The following TLE1 variants were observed in gnomAD, a reference collection of about 807,000 sequenced individuals.
TLE1 encodes transducin-like enhancer protein 1.
TLE1 carries 21 observed loss-of-function variants against 89.8 expected under a neutral mutation model. That is an observed-to-expected ratio of 0.23 (90% CI 0.17 to 0.34). The LOEUF is 0.34. Ranked by LOEUF, TLE1 falls within the 10% of genes least tolerant of loss-of-function variation. TLE1 has a pLI of 1.00. For synonymous variants in TLE1, 447 were observed against 407.6 expected (o/e 1.10, Z -1.16); for missense variants, 795 against 1,031.2 (o/e 0.77, Z 3.14).
Position 81,687,384 on chromosome 9 carries a change from G to C in TLE1, c.75C>G (p.Ser25=). 2 of 1,611,212 alleles carry C rather than the reference G, an allele frequency of 1.2e-6. No homozygotes were observed. The highest frequency in any genetic ancestry group is 1.7e-6 in the Non-Finnish European group (2 of 1,179,504). The change falls in exon 2 of 20, where the codon TCC becomes TCG. Residue 25 remains serine, a synonymous_variant. Transcript: ENST00000376499. ...GGAATTCCTCTTTAATCCGGTCCAG[G>C]GACTCCGGGATAGTGAACTTGAAGG... The part of the protein sequence containing the change: ...GQPFKFTIPE[S]LDRIKEEFQF...
intron 9 of TLE1, among the ~76,000 whole-genome samples, chr9:81,620,135 G>A (rs906365310): frequency 1.4e-4 from 20 of 144,054 alleles, no homozygotes; most frequent in Non-Finnish European, 2.5e-4. Flanking sequence ...CAAGGGAGGC[G>A]GGGGGCCCGG....
chr9:81,609,388 G>A (rs1823416787), intron 14 of TLE1, among the ~76,000 whole-genome samples: 2 of 152,180 alleles, frequency 1.3e-5, no homozygotes, highest in Non-Finnish European at 2.9e-5. Flanking sequence ...CCTGGCCTCT[G>A]CTATTTTCTA....
intron 6 of TLE1, among the ~76,000 whole-genome samples, chr9:81,641,801 T>C (rs913094645): frequency 6.6e-6 from 1 of 152,198 alleles, no homozygotes; most frequent in Admixed American, 6.5e-5. Context: ...GGTGGACGGA[T>C]CACCTGAGTT....
rs764412759 is a variant in TLE1 at position 81,590,900 on chromosome 9, G to A, written c.1734C>T (p.Tyr578=). 2.2e-5 allele frequency: 36 copies of A among 1,614,154 alleles called. No homozygotes were observed. Among genetic ancestry groups the A allele is most frequent in the South Asian group, 1.1e-4 (10 of 91,092 alleles). ...AELTSSAPAC[Y]ALAISPDSKV... ...TGGAATCGGGGCTGATGGCCAGGGC[G>A]TAGCAGGCGGGGGCCGAGGACGTCA... The change falls in exon 16 of 20, where the codon TAC becomes TAT. Residue 578 remains tyrosine (Y), a synonymous_variant. Transcript: ENST00000376499.
chr9:81,659,407 T>A (rs1371473973), intron 4 of TLE1, among the ~76,000 whole-genome samples: 1 of 152,190 alleles, frequency 6.6e-6, no homozygotes, highest in Non-Finnish European at 1.5e-5. Context: ...CACTAAGTCA[T>A]AATGCTTATA....
chr9:81,646,395 C>T (rs1436457224), intron 6 of TLE1, among the ~76,000 whole-genome samples: 4 of 152,044 alleles, frequency 2.6e-5, no homozygotes, highest in South Asian at 2.1e-4. Flanking sequence ...GTAGAGAGTA[C>T]GTCACTAAAT....
intron 8 of TLE1, among the ~76,000 whole-genome samples, chr9:81,628,571 C>T (rs1826189227): frequency 6.6e-6 from 1 of 152,078 alleles, no homozygotes. Context: ...TTGGTCCTGC[C>T]TCTGACAAAA....
chr9:81,597,252 ACAGTATTGT>A (rs1457096730), intron 14 of TLE1, among the ~76,000 whole-genome samples: 1 of 152,056 alleles, frequency 6.6e-6, no homozygotes, highest in Non-Finnish European at 1.5e-5. Context: ...TCAGGAAATG[ACAGTATTGT>A]TATCGCACCA....
At chr9:81,654,080 C>CAG (rs1272851694) in intron 4 of TLE1, 44 bp from the exon 5 acceptor site, 1 of 1,598,048 alleles carries the variant, frequency 6.3e-7, no homozygotes, top group Non-Finnish European at 8.6e-7. Context: ...ACTTCACAAT[C>CAG]AGTTCAGAAA....
chr9:81,586,022 T>TC (rs1828370278), intron 17 of TLE1, among the ~76,000 whole-genome samples: 1 of 150,378 alleles, frequency 6.6e-6, no homozygotes, highest in African/African-American at 2.4e-5. Context: ...GGTGACTTTT[T>TC]TTTTTTTTTT....
intron 4 of TLE1, among the ~76,000 whole-genome samples, chr9:81,684,189 T>C (rs1228603346): frequency 1.3e-5 from 2 of 151,224 alleles, no homozygotes; most frequent in Non-Finnish European, 2.9e-5. Context: ...GCCAAGTTTA[T>C]TTGCATAATT....
chr9:81,643,085 G>A (rs1203944291), intron 6 of TLE1, among the ~76,000 whole-genome samples: 1 of 152,132 alleles, frequency 6.6e-6, no homozygotes, highest in Non-Finnish European at 1.5e-5. Context: ...GGGAAAATGA[G>A]GAGCAATTGG....
At chr9:81,688,193 C>A in intron 1 of TLE1, 24 bp downstream of exon 1, 2 of 1,599,804 alleles carry the variant, frequency 1.3e-6, no homozygotes, top group South Asian at 1.1e-5. Flanking sequence ...CCTGGCCCCC[C>A]ACCACCACCC....
chr9:81,639,444 G>A (rs777784050), intron 6 of TLE1, among the ~76,000 whole-genome samples: 4 of 152,156 alleles, frequency 2.6e-5, no homozygotes, highest in Non-Finnish European at 5.9e-5. Context: ...CAGGAAGGAT[G>A]AGGAAATTTA....
At chr9:81,687,856 C>T (rs1267850135) in intron 1 of TLE1, among the ~76,000 whole-genome samples, 2 of 152,040 alleles carry the variant, frequency 1.3e-5, no homozygotes, top group African/African-American at 4.8e-5. Flanking sequence ...TCCAGACGCA[C>T]CGGAACCGGG....
Position 81,587,924 on chromosome 9 carries a change from G to GTCATCCCGCC in TLE1, c.1830-97_1830-96insGGCGGGATGA, listed in dbSNP as rs1554716662. On this transcript the variant is annotated intron_variant, in intron 16 of 19. Coordinates refer to ENST00000376499, the MANE Select transcript of TLE1 (RefSeq NM_005077.5). ...TTTTGGACCGTGTGTGTGTGTGTGTGTGTGTGTGTGTGTGTGTGTGTGATC... is the reference window on the plus strand; with the variant it reads ...TTTTGGACCGTGTGTGTGTGTGTGTGTCATCCCGCCTGTGTGTGTGTGTGTGTGTGTGATC... 2.9e-4 allele frequency: 300 copies of GTCATCCCGCC among 1,018,390 alleles called. 3 individuals are homozygous for GTCATCCCGCC. Among genetic ancestry groups the GTCATCCCGCC allele is most frequent in the South Asian group, 7.8e-4 (41 of 52,244 alleles). The allele number at this position is 1,018,390 out of a possible 1,614,324, so 63.1% of individuals were successfully genotyped here.
intron 14 of TLE1, among the ~76,000 whole-genome samples, chr9:81,606,209 A>G (rs1372822884): frequency 1.2e-4 from 19 of 152,234 alleles, no homozygotes; most frequent in Admixed American, 1.2e-3. Context: ...GGAAGACAGC[A>G]TGGCAATTCC....
rs185392774 is a variant in TLE1, at chr9:81,676,739, A to T, written c.234+8937T>A. Among the ~76,000 whole-genome samples the T allele has an allele frequency of 5.3e-5, 8 of 152,280 alleles. No homozygotes were observed. The East Asian group carries it at 1.5e-3, about 29-fold the overall frequency. On this transcript the variant is annotated intron_variant, in intron 4 of 19. Coordinates refer to ENST00000376499, the MANE Select transcript of TLE1 (RefSeq NM_005077.5). ...TCCCAAGACCCTGAAGACAATTTAC[A>T]TCTGCTATCTTAAAGATGCTCCCTT...
intron 4 of TLE1, among the ~76,000 whole-genome samples, chr9:81,673,862 T>C (rs1427041259): frequency 6.6e-6 from 1 of 152,158 alleles, no homozygotes; most frequent in Non-Finnish European, 1.5e-5. Context: ...AAGACAACTA[T>C]GTGAGAATGG....
Sources: gnomAD v4.1 joint callset for allele counts (sites outside exome capture counted in the v4.1 genomes callset) on GRCh38, gnomAD v4.1.1 for gene constraint, MANE v1.5 for transcripts, NCBI Gene and HGNC (gene_info 2026-07-23, HGNC 2026-07-21) for gene names.